The following CLIP4 variants were observed in gnomAD, a reference collection of about 807,000 sequenced individuals.
The protein encoded by CLIP4 is CAP-Gly domain containing linker protein family member 4, also known as CAP-Gly domain-containing linker protein 4.
A neutral mutation model predicts 73.1 loss-of-function variants in CLIP4; 47 were observed. The observed-to-expected ratio is 0.64, with a 90% CI of 0.51 to 0.82. The LOEUF is 0.82. Among genes scored for constraint, CLIP4 ranks in the 40% least tolerant of loss-of-function variants. CLIP4 has a pLI of 0.00. For synonymous variants in CLIP4, 306 were observed against 295.4 expected, an observed-to-expected ratio of 1.04 and a Z score of -0.37; for missense variants, 874 against 852.9, an observed-to-expected ratio of 1.02 and a Z score of -0.31.
At chr2:29,098,338 C>G (rs1261363661) in intron 1 of CLIP4, among the ~76,000 whole-genome samples, 4 of 152,158 alleles carry the variant, frequency 2.6e-5, no homozygotes, top group Non-Finnish European at 4.4e-5. Context: ...GTCGTATGTC[C>G]ACCCTTACGG....
intron 14 of CLIP4, 67 bp downstream of exon 14, chr2:29,167,607 T>C: frequency 8.2e-7 from 1 of 1,215,700 alleles, no homozygotes; most frequent in Non-Finnish European, 1.2e-6. Context: ...AAAATTTTTA[T>C]TATGAGGTAT....
intron 14 of CLIP4, among the ~76,000 whole-genome samples, chr2:29,172,121 A>G (rs1668048615): frequency 6.6e-6 from 1 of 151,794 alleles, no homozygotes; most frequent in African/African-American, 2.4e-5. Context: ...ACTTGGCAAA[A>G]TCTAAAGTTA....
intron 14 of CLIP4, among the ~76,000 whole-genome samples, chr2:29,172,109 A>G (rs1381043233): frequency 6.6e-6 from 1 of 150,598 alleles, no homozygotes. Flanking sequence ...TTTAACATTG[A>G]TACTTGGCAA....
At chr2:29,171,488 G>T (rs10209644) in intron 14 of CLIP4, among the ~76,000 whole-genome samples, 7,996 of 150,472 alleles carry the variant, frequency 0.053, 670 homozygotes, top group African/African-American at 0.18. Flanking sequence ...TATGTTTTTA[G>T]AATATTTCTA....
intron 5 of CLIP4, among the ~76,000 whole-genome samples, chr2:29,134,217 A>T (rs2147959174): frequency 6.6e-6 from 1 of 152,278 alleles, no homozygotes; most frequent in Non-Finnish European, 1.5e-5. Context: ...TTCTGAAATT[A>T]TATAATTCAA....
chr2:29,112,383 C>T (rs1668405685), upstream of CLIP4, among the ~76,000 whole-genome samples: 1 of 152,180 alleles, frequency 6.6e-6, no homozygotes, highest in Middle Eastern at 3.2e-3. Context: ...TGTATCTCTC[C>T]ACTTATTCAA....
chr2:29,145,088 G>T, intron 7 of CLIP4, 144 bp from the exon 8 acceptor site: 1 of 603,528 alleles, frequency 1.7e-6, no homozygotes, highest in Non-Finnish European at 2.9e-6. Flanking sequence ...GCATAAAAAG[G>T]TAATGTTGAG....
intron 12 of CLIP4, among the ~76,000 whole-genome samples, chr2:29,161,961 C>T (rs1667321400): frequency 6.6e-6 from 1 of 152,200 alleles, no homozygotes; most frequent in Non-Finnish European, 1.5e-5. Flanking sequence ...AATTGCAAGC[C>T]AACTGCGTGA....
chr2:29,109,552 T>C (rs928174803), intron 1 of CLIP4, among the ~76,000 whole-genome samples: 1 of 152,116 alleles, frequency 6.6e-6, no homozygotes, highest in African/African-American at 2.4e-5. Context: ...AACCATATAA[T>C]ATATTATTGT....
At chr2:29,131,882 C>T in intron 3 of CLIP4, 1 of 405,360 alleles carries the variant, frequency 2.5e-6, no homozygotes, top group Non-Finnish European at 4.4e-6. Context: ...TAAAATTTTG[C>T]TCATTTTTGA....
Position 29,135,546 on chromosome 2 carries a change from A to AACT in CLIP4, c.530-2_530-1insACT. 1 of 1,596,676 alleles carries AACT rather than the reference A, an allele frequency of 6.3e-7. No homozygotes were observed. The highest frequency in any genetic ancestry group is 1.1e-5 in the South Asian group (1 of 87,896). ...TAATATACTTATGATGTTTAATTGC[A>AACT]GATGTGGATGCCACTTGCAGTGATT... On this transcript the variant is annotated splice_acceptor_variant, in intron 5 of 15. Transcript: ENST00000320081. LOFTEE classifies it high-confidence loss of function.
intron 1 of CLIP4, among the ~76,000 whole-genome samples, chr2:29,099,698 A>G (rs1012668713): frequency 1.2e-4 from 19 of 152,156 alleles, no homozygotes; most frequent in African/African-American, 4.6e-4. Context: ...TTCCACAGAA[A>G]CTTCAGAATC....
rs755957985 is a variant in CLIP4, at chr2:29,131,296, G to A, written c.172G>A (p.Glu58Lys). ...TGATCCTAATGATGCATCATGCCAG[G>A]AAATTCTTTTTGATCCCAAAACTTC... Reference protein sequence around the residue: ...FFDPNDASCQEILFDPKTSVS... With the variant: ...FFDPNDASCQKILFDPKTSVS... The change falls in exon 3 of 16, where the codon GAA (glutamate) becomes AAA (lysine). Residue 58 changes from glutamate to lysine, a missense_variant. Coordinates refer to ENST00000320081, the MANE Select transcript of CLIP4 (RefSeq NM_024692.6). 6 of 1,609,466 alleles carry A rather than the reference G, an allele frequency of 3.7e-6. No homozygotes were observed. The South Asian group carries it at 6.7e-5, about 18-fold the overall frequency.
At chr2:29,121,878 AAAGAG>A (rs1192768903) in intron 2 of CLIP4, among the ~76,000 whole-genome samples, 2 of 152,220 alleles carry the variant, frequency 1.3e-5, no homozygotes, top group African/African-American at 4.8e-5. Flanking sequence ...GTACTTAGGC[AAAGAG>A]GGTAAGAGAC....
chr2:29,163,799 G>T (rs1437349882), intron 12 of CLIP4, 32 bp from the exon 13 acceptor site: 7 of 1,599,832 alleles, frequency 4.4e-6, no homozygotes, highest in Non-Finnish European at 5.1e-6. Context: ...ATAAAGTACA[G>T]ATGCTTTTGA....
chr2:29,107,704 C>T (rs1006098133), intron 1 of CLIP4, among the ~76,000 whole-genome samples: 1 of 151,898 alleles, frequency 6.6e-6, no homozygotes, highest in Non-Finnish European at 1.5e-5. Flanking sequence ...GAGATGGGGT[C>T]TCACTATGCT....
At chr2:29,175,919 A>G (rs931652180) in intron 15 of CLIP4, among the ~76,000 whole-genome samples, 36 of 151,580 alleles carry the variant, frequency 2.4e-4, no homozygotes, top group African/African-American at 4.1e-4. Context: ...CCGCCACCAC[A>G]CCCGGCTAAT....
intron 1 of CLIP4, among the ~76,000 whole-genome samples, chr2:29,107,358 G>GTTTTTTTTTGTTTTTTTGTTTTTT (rs1558504865): frequency 1.5e-5 from 1 of 65,352 alleles, no homozygotes; most frequent in African/African-American, 5.2e-5. Flanking sequence ...GAACATGATA[G>GTTTTTTTTTGTTTTTTTGTTTTTT]TTTTTTTTTT....
rs77387585 is a variant in CLIP4, at chr2:29,119,024, A to G, written c.-15-2350A>G. ...TGAATCTGAGACTATAAGGAAGTTT[A>G]TAGGGGTACATAGTTTCCTTTGGGA... On this transcript the variant is annotated intron_variant, in intron 1 of 15. Transcript: ENST00000320081. 2.0e-3 allele frequency among the ~76,000 whole-genome samples: 305 copies of G among 152,346 alleles called. 2 individuals carry two copies. Among genetic ancestry groups the G allele is most frequent in the African/African-American group, 7.1e-3 (295 of 41,580 alleles).
Sources: allele counts gnomAD v4.1 joint callset (sites outside exome capture counted in the v4.1 genomes callset), GRCh38; gene constraint gnomAD v4.1.1; transcripts MANE v1.5; gene names NCBI Gene and HGNC (gene_info 2026-07-23, HGNC 2026-07-21).